WWOX: variants seen among roughly 807,000 people sequenced by gnomAD.
The protein encoded by WWOX is WW domain containing oxidoreductase.
WWOX carries 69 observed loss-of-function variants against 46.2 expected under a neutral mutation model. The ratio of observed to expected loss-of-function variants is 1.49; its 90% CI spans 1.23 to 1.82. WWOX has a LOEUF of 1.82. WWOX is among the 40% of genes most tolerant of loss of function. WWOX has a pLI of 0.00. For synonymous variants in WWOX, 359 were observed against 202.6 expected (o/e 1.77, Z -6.56); for missense variants, 919 against 542.6 (o/e 1.69, Z -6.89).
chr16:78,574,955 C>A (rs1252115375), intron 8 of WWOX, among the ~76,000 whole-genome samples: 2 of 124,930 alleles, frequency 1.6e-5, no homozygotes, highest in Non-Finnish European at 3.4e-5. Flanking sequence ...GTAATCAAAT[C>A]ATTACTTTAT....
intron 5 of WWOX, among the ~76,000 whole-genome samples, chr16:78,310,908 G>A (rs2080229636): frequency 6.6e-6 from 1 of 152,206 alleles, no homozygotes; most frequent in Non-Finnish European, 1.5e-5. Flanking sequence ...TTGTCACGAT[G>A]TACAGGAGCC....
At chr16:78,783,126 C>A (rs1322545384) in intron 8 of WWOX, among the ~76,000 whole-genome samples, 7 of 152,176 alleles carry the variant, frequency 4.6e-5, no homozygotes, top group East Asian at 3.8e-4. Flanking sequence ...TCAGGAAAAA[C>A]CAAAACAAAA....
chr16:79,156,643 C>A (rs910017551), intron 8 of WWOX, among the ~76,000 whole-genome samples: 1 of 152,000 alleles, frequency 6.6e-6, no homozygotes, highest in Non-Finnish European at 1.5e-5. Context: ...CTGTTATCTT[C>A]CAGAAACACT....
chr16:78,174,878 C>T (rs904220774), intron 5 of WWOX, among the ~76,000 whole-genome samples: 2 of 152,086 alleles, frequency 1.3e-5, no homozygotes, highest in Non-Finnish European at 2.9e-5. Flanking sequence ...GTCCCAGCTA[C>T]TGGGGAGGCT....
intron 8 of WWOX, among the ~76,000 whole-genome samples, chr16:78,683,576 A>G (rs1213328859): frequency 6.8e-6 from 1 of 147,752 alleles, no homozygotes; most frequent in Non-Finnish European, 1.5e-5. Flanking sequence ...AAAAAATTAC[A>G]TGAAAAATAG....
chr16:78,144,473 A>ATATATATATATATG (rs2034117827), intron 4 of WWOX, among the ~76,000 whole-genome samples: 1 of 37,594 alleles, frequency 2.7e-5, no homozygotes, highest in South Asian at 7.9e-4. Context: ...ACACACATAT[A>ATATATATATATATG]TATATATATA....
chr16:78,505,792 C>T (rs1237812827), intron 8 of WWOX, among the ~76,000 whole-genome samples: 2 of 151,188 alleles, frequency 1.3e-5, no homozygotes, highest in African/African-American at 4.9e-5. Context: ...CCAGCTGGCC[C>T]ACATACTACA....
chr16:78,528,284 G>C (rs1191304056), intron 8 of WWOX, among the ~76,000 whole-genome samples: 1 of 150,032 alleles, frequency 6.7e-6, no homozygotes, highest in African/African-American at 2.5e-5. Flanking sequence ...AAAGTGCTGG[G>C]ATTACAGACA....
chr16:78,431,015 C>G (rs993074426), intron 7 of WWOX, among the ~76,000 whole-genome samples: 4 of 152,178 alleles, frequency 2.6e-5, no homozygotes, highest in Admixed American at 2.6e-4. Flanking sequence ...TACCCGGTGC[C>G]CAGAATGAAC....
chr16:78,372,050 T>C lies in WWOX; in HGVS notation c.517-14810T>C, dbSNP rs145761046. ...TTAGATTTATATTCCACTGGCCAAC[T>C]CTAAGTCTCACGGCTATGCCTAATT... is the stretch of plus-strand genomic sequence containing the variant. On this transcript the variant is annotated intron_variant, in intron 5 of 8. Coordinates refer to ENST00000566780, the MANE Select transcript of WWOX (RefSeq NM_016373.4). Among the ~76,000 whole-genome samples, 8 of 152,294 alleles carry C rather than the reference T, an allele frequency of 5.3e-5. No individual in the cohort carries two copies. In the East Asian group the frequency reaches 1.5e-3, roughly 29 times the overall value.
At chr16:79,027,813 G>C (rs1011282525) in intron 8 of WWOX, among the ~76,000 whole-genome samples, 1 of 151,732 alleles carries the variant, frequency 6.6e-6, no homozygotes, top group Non-Finnish European at 1.5e-5. Flanking sequence ...GATGGTTTTT[G>C]TGGTTGCCTA....
At chr16:78,621,208 A>C (rs1017066699) in intron 8 of WWOX, among the ~76,000 whole-genome samples, 1 of 152,320 alleles carries the variant, frequency 6.6e-6, no homozygotes, top group East Asian at 1.9e-4. Context: ...ATTAAAGTTA[A>C]TGGCCAGAAT....
intron 8 of WWOX, among the ~76,000 whole-genome samples, chr16:78,469,503 A>C (rs1172156274): frequency 1.3e-5 from 2 of 152,188 alleles, no homozygotes; most frequent in African/African-American, 2.4e-5. Context: ...GGTGTTACGA[A>C]TTACCCATTC....
intron 8 of WWOX, among the ~76,000 whole-genome samples, chr16:78,940,222 A>C (rs1167442545): frequency 6.6e-6 from 1 of 152,210 alleles, no homozygotes; most frequent in Non-Finnish European, 1.5e-5. Context: ...AGTAACAGAA[A>C]TGTTTGTGTG....
At chr16:78,217,203 C>T (rs2151794362) in intron 5 of WWOX, among the ~76,000 whole-genome samples, 1 of 152,304 alleles carries the variant, frequency 6.6e-6, no homozygotes, top group East Asian at 1.9e-4. Context: ...CCTGCATCCA[C>T]AGTCATAAAA....
chr16:79,057,738 A>G (rs559127160), intron 8 of WWOX, among the ~76,000 whole-genome samples: 7 of 152,280 alleles, frequency 4.6e-5, no homozygotes, highest in Admixed American at 2.0e-4. Flanking sequence ...TAGGCAAGGT[A>G]GAAGACATAG....
chr16:79,146,401 C>G (rs934714144), intron 8 of WWOX, among the ~76,000 whole-genome samples: 1 of 152,126 alleles, frequency 6.6e-6, no homozygotes, highest in African/African-American at 2.4e-5. Context: ...CCAGAACTGG[C>G]TTATATCATC....
At chr16:79,092,724 C>A (rs2048988324) in intron 8 of WWOX, among the ~76,000 whole-genome samples, 1 of 152,106 alleles carries the variant, frequency 6.6e-6, no homozygotes, top group Non-Finnish European at 1.5e-5. Flanking sequence ...CAAGACTGAA[C>A]ACAAAAATGA....
In WWOX at chr16:78,666,557, G is replaced by C. The variant is rs143676688; in HGVS notation, c.1056+233805G>C. 3.1e-3 allele frequency among the ~76,000 whole-genome samples: 467 copies of C among 152,276 alleles called. 3 individuals are homozygous for C. Among genetic ancestry groups the C allele is most frequent in the African/African-American group, 0.011 (437 of 41,556 alleles). ...TTTACTCTCTAGAACCATTTGATTGGGGTACTGCCTTAAGAAATAAAGCAG... is the reference window on the plus strand; with the variant it reads ...TTTACTCTCTAGAACCATTTGATTGCGGTACTGCCTTAAGAAATAAAGCAG... On this transcript the variant is annotated intron_variant, in intron 8 of 8. Coordinates refer to ENST00000566780, the MANE Select transcript of WWOX (RefSeq NM_016373.4).
Sources: gnomAD v4.1 joint callset for allele counts (sites outside exome capture counted in the v4.1 genomes callset) on GRCh38, gnomAD v4.1.1 for gene constraint, MANE v1.5 for transcripts, NCBI Gene and HGNC (gene_info 2026-07-23, HGNC 2026-07-21) for gene names.